Variants in NINJ2 observed in about 807,000 individuals in gnomAD.
NINJ2 encodes the protein ninjurin-2.
NINJ2 carries 12 observed loss-of-function variants against 11.7 expected under a neutral mutation model. That is an observed-to-expected ratio of 1.02 (90% CI 0.66 to 1.66). The LOEUF is 1.66. Among genes scored for constraint, NINJ2 ranks in the 40% most tolerant of loss-of-function variants. The pLI, the probability that NINJ2 is intolerant of heterozygous loss-of-function variation, is 0.00. For missense variants in NINJ2, 187 were observed against 181.8 expected (o/e 1.03, Z -0.16); for synonymous variants, 93 against 76.8 (o/e 1.21, Z -1.10).
chr12:652,861 C>T (rs1182189717), intron 1 of NINJ2, among the ~76,000 whole-genome samples: 2 of 150,142 alleles, frequency 1.3e-5, no homozygotes, highest in Non-Finnish European at 3.0e-5. Flanking sequence ...GCAGGAGAAT[C>T]GCTTGAACCC....
At chr12:639,132 C>A (rs1948391052) in intron 1 of NINJ2, among the ~76,000 whole-genome samples, 2 of 152,070 alleles carry the variant, frequency 1.3e-5, no homozygotes, top group Admixed American at 1.3e-4. Flanking sequence ...CCTCCTACTA[C>A]CCCTAGTCGC....
intron 1 of NINJ2, among the ~76,000 whole-genome samples, chr12:648,262 G>A (rs1183560921): frequency 6.6e-6 from 1 of 152,154 alleles, no homozygotes; most frequent in East Asian, 1.9e-4. Flanking sequence ...ATTTTTAGTA[G>A]AGACAGGGTT....
chr12:582,173 T>C (rs61919372), intron 1 of NINJ2, among the ~76,000 whole-genome samples: 40,757 of 151,610 alleles, frequency 0.27, 5,850 homozygotes, highest in South Asian at 0.37. Flanking sequence ...TAGGCCAGAG[T>C]CCTGGGGAAT....
At chr12:616,137 C>T (rs963509330) in intron 1 of NINJ2, among the ~76,000 whole-genome samples, 2 of 152,158 alleles carry the variant, frequency 1.3e-5, no homozygotes. Flanking sequence ...GACTGCATTG[C>T]CATTTCAACG....
intron 1 of NINJ2, among the ~76,000 whole-genome samples, chr12:598,859 C>T (rs906859682): frequency 6.6e-6 from 1 of 151,800 alleles, no homozygotes; most frequent in African/African-American, 2.4e-5. Flanking sequence ...ACCACCACAC[C>T]CGGCTAGTTT....
chr12:624,254 A>G (rs1184217290), intron 1 of NINJ2, among the ~76,000 whole-genome samples: 4 of 152,182 alleles, frequency 2.6e-5, no homozygotes, highest in East Asian at 1.9e-4. Context: ...GAGCACTTCA[A>G]AGGAAGATTG....
chr12:613,416 T>C (rs527674109), intron 1 of NINJ2, among the ~76,000 whole-genome samples: 2 of 152,100 alleles, frequency 1.3e-5, no homozygotes, highest in East Asian at 1.9e-4. Context: ...AAGACTAGCC[T>C]AGCCAATATG....
intron 1 of NINJ2, among the ~76,000 whole-genome samples, chr12:629,894 A>ATAT (rs1555166134): frequency 6.0e-5 from 1 of 16,570 alleles, no homozygotes; most frequent in African/African-American, 9.3e-5. Context: ...AAAAAAAAAA[A>ATAT]AAATATATAT....
intron 1 of NINJ2, among the ~76,000 whole-genome samples, chr12:593,664 G>T (rs557441895): frequency 6.6e-6 from 1 of 152,094 alleles, no homozygotes; most frequent in African/African-American, 2.4e-5. Context: ...GCAGTGAACC[G>T]TGAGTGTGCC....
chr12:565,781 G>A (rs769732091), intron 2 of NINJ2, 169 bp downstream of exon 2: 35 of 702,344 alleles, frequency 5.0e-5, no homozygotes, highest in Admixed American at 8.1e-5. Context: ...CTGCCCTCGC[G>A]GGGTGGAAGT....
chr12:641,844 C>CAA (rs10549771), intron 1 of NINJ2, among the ~76,000 whole-genome samples: 71 of 116,842 alleles, frequency 6.1e-4, no homozygotes, highest in African/African-American at 1.8e-3. Flanking sequence ...GACTCCGTCT[C>CAA]AAAAAAAAAA....
In NINJ2 at chr12:580,574, G is replaced by C. The variant is rs1451665206; in HGVS notation, c.34-14396C>G. On this transcript the variant is annotated intron_variant, in intron 1 of 3. Coordinates refer to ENST00000305108, the MANE Select transcript of NINJ2 (RefSeq NM_016533.6). The surrounding 1 kb of genome is among the most constrained non-coding windows in gnomAD (Gnocchi z 4.7). ...TGCACTCCAGCCTGCATGACAGAGA[G>C]AGACCCTGTCTCAAAAAAAAAAAAA... Among the ~76,000 whole-genome samples the C allele has an allele frequency of 1.7e-5, 2 of 118,180 alleles. No individual in the cohort carries two copies. Among genetic ancestry groups the C allele is most frequent in the Non-Finnish European group, 3.5e-5 (2 of 57,480 alleles). 77.5% of individuals were successfully genotyped at this position (118,180 alleles called of 152,430 possible).
chr12:565,764 A>G, intron 2 of NINJ2, 186 bp downstream of exon 2: 1 of 673,922 alleles, frequency 1.5e-6, no homozygotes, highest in Admixed American at 2.1e-5. Flanking sequence ...GAGACAGGAC[A>G]GGGCGCCTGC....
intron 1 of NINJ2, among the ~76,000 whole-genome samples, chr12:615,289 C>T (rs1172084067): frequency 1.3e-5 from 2 of 152,194 alleles, no homozygotes; most frequent in South Asian, 4.2e-4. Flanking sequence ...GCTAGATCTC[C>T]TTCTCGTTCT....
chr12:620,369 C>T (rs1948137825), intron 1 of NINJ2, among the ~76,000 whole-genome samples: 2 of 152,230 alleles, frequency 1.3e-5, no homozygotes, highest in African/African-American at 4.8e-5. Context: ...GGGAGAGGGT[C>T]TCAGACAGTA....
At chr12:635,620 G>A (rs189580872) in intron 1 of NINJ2, among the ~76,000 whole-genome samples, 1 of 152,288 alleles carries the variant, frequency 6.6e-6, no homozygotes, top group African/African-American at 2.4e-5. Context: ...AGTTAACACT[G>A]TAAAACTCTT....
chr12:657,160 C>G (rs745671416), intron 1 of NINJ2, among the ~76,000 whole-genome samples: 5 of 152,124 alleles, frequency 3.3e-5, no homozygotes, highest in Non-Finnish European at 7.4e-5. Flanking sequence ...ATTTTATTAA[C>G]ATTGAAAACT....
chr12:573,023 AT>A (rs1301909243), intron 1 of NINJ2, among the ~76,000 whole-genome samples: 3,181 of 106,304 alleles, frequency 0.03, 42 homozygotes, highest in East Asian at 0.094. Context: ...CACCCAGCTA[AT>A]TTTTTTTTTT....
At chr12:599,969 G>C (rs1947845975) in intron 1 of NINJ2, among the ~76,000 whole-genome samples, 1 of 152,210 alleles carries the variant, frequency 6.6e-6, no homozygotes, top group Admixed American at 6.5e-5. Flanking sequence ...CTGCCCAGCT[G>C]CCAGGGCCCC....
Sources: allele counts gnomAD v4.1 joint callset (sites outside exome capture counted in the v4.1 genomes callset), GRCh38; gene constraint gnomAD v4.1.1; non-coding constraint Gnocchi (gnomAD v3.1); transcripts MANE v1.5; gene names NCBI Gene and HGNC (gene_info 2026-07-23, HGNC 2026-07-21).